Variants in RAB11FIP4 observed in about 807,000 individuals in gnomAD.
RAB11FIP4 encodes rab11 family-interacting protein 4.
Under a neutral mutation model 74.3 loss-of-function variants are expected in RAB11FIP4, and 23 were observed. That is an observed-to-expected ratio of 0.31 (90% confidence interval 0.22 to 0.44). The LOEUF is 0.44. Ranked by LOEUF, RAB11FIP4 falls within the 20% of genes least tolerant of loss-of-function variation. The pLI, the probability that RAB11FIP4 is intolerant of heterozygous loss-of-function variation, is 1.00. For synonymous variants in RAB11FIP4, 360 were observed against 359.9 expected, an observed-to-expected ratio of 1.00 and a Z score of 0.00; for missense variants, 630 against 863.9, an observed-to-expected ratio of 0.73 and a Z score of 3.39.
intron 1 of RAB11FIP4, among the ~76,000 whole-genome samples, chr17:31,428,095 G>A (rs1313956464): frequency 6.6e-6 from 1 of 152,152 alleles, no homozygotes; most frequent in South Asian, 2.1e-4. Flanking sequence ...GGAAAAGCAG[G>A]GTCAGCTGGA....
chr17:31,519,724 A>C (rs926746607), intron 4 of RAB11FIP4, among the ~76,000 whole-genome samples: 3 of 152,126 alleles, frequency 2.0e-5, no homozygotes, highest in African/African-American at 4.8e-5. Flanking sequence ...GGTTCAACCT[A>C]GTATATCTCA....
intron 3 of RAB11FIP4, among the ~76,000 whole-genome samples, chr17:31,435,780 G>T (rs775700085): frequency 6.6e-6 from 1 of 152,196 alleles, no homozygotes; most frequent in Non-Finnish European, 1.5e-5. Flanking sequence ...GTCCATGGTG[G>T]CAGAGACCAA....
At chr17:31,483,019 C>T (rs2071864535) in intron 3 of RAB11FIP4, among the ~76,000 whole-genome samples, 1 of 151,640 alleles carries the variant, frequency 6.6e-6, no homozygotes, top group African/African-American at 2.4e-5. Flanking sequence ...ATGGTGAAAC[C>T]CCGTCTCTAC....
intron 3 of RAB11FIP4, among the ~76,000 whole-genome samples, chr17:31,483,344 G>C (rs2071869859): frequency 6.6e-6 from 1 of 152,138 alleles, no homozygotes; most frequent in Non-Finnish European, 1.5e-5. Context: ...GCACTAGACT[G>C]AGAGTAATGC....
intron 3 of RAB11FIP4, among the ~76,000 whole-genome samples, chr17:31,465,092 G>T (rs1270454749): frequency 1.3e-5 from 2 of 152,094 alleles, no homozygotes; most frequent in Non-Finnish European, 2.9e-5. Flanking sequence ...CGGGCAGTCA[G>T]TGGAGACTAT....
chr17:31,509,771 C>G (rs1468117165), intron 3 of RAB11FIP4, among the ~76,000 whole-genome samples: 1 of 152,150 alleles, frequency 6.6e-6, no homozygotes, highest in Non-Finnish European at 1.5e-5. Flanking sequence ...ACCTGGCGAC[C>G]TGGTGCTCCC....
chr17:31,430,682 G>C (rs2071301152), intron 1 of RAB11FIP4, among the ~76,000 whole-genome samples: 1 of 151,970 alleles, frequency 6.6e-6, no homozygotes, highest in East Asian at 1.9e-4. Flanking sequence ...TTTATCCTAA[G>C]TGTGGTGGAA....
At chr17:31,480,669 T>G (rs2071837897) in intron 3 of RAB11FIP4, among the ~76,000 whole-genome samples, 1 of 151,544 alleles carries the variant, frequency 6.6e-6, no homozygotes, top group African/African-American at 2.4e-5. Flanking sequence ...GTGCCTGTGA[T>G]CCCAGCTACT....
At chr17:31,460,780 G>GA (rs2071626390) in intron 3 of RAB11FIP4, among the ~76,000 whole-genome samples, 3 of 152,020 alleles carry the variant, frequency 2.0e-5, no homozygotes, top group Admixed American at 2.0e-4. Context: ...ACCCAGGCTG[G>GA]AGTGCAGTGG....
At position 31,522,054 on chromosome 17, in the gene RAB11FIP4, G is replaced by A. The variant is rs1455330605; in HGVS notation, c.893+5G>A. The stretch of plus-strand genomic sequence containing the variant: ...GAAAAACCTGAAGGCCAACAGGTGA[G>A]GCCCAGGCCCAGCTGGGGGGTGAGA... On this transcript the variant is annotated splice_donor_5th_base_variant and intron_variant, in intron 6 of 14. Coordinates refer to ENST00000621161, the MANE Select transcript of RAB11FIP4 (RefSeq NM_032932.6). 6.2e-7 allele frequency: 1 copy of A among 1,613,998 alleles called. No homozygotes were observed. The highest frequency in any genetic ancestry group is 2.2e-5 in the East Asian group (1 of 44,880).
chr17:31,476,171 A>ATTTTTTT (rs2071790111), intron 3 of RAB11FIP4, among the ~76,000 whole-genome samples: 1 of 99,922 alleles, frequency 1.0e-5, no homozygotes, highest in African/African-American at 4.2e-5. Flanking sequence ...AATCGACTGA[A>ATTTTTTT]CTTTTTTTTT....
intron 3 of RAB11FIP4, among the ~76,000 whole-genome samples, chr17:31,471,189 T>G (rs1182386748): frequency 6.6e-6 from 1 of 151,668 alleles, no homozygotes; most frequent in East Asian, 1.9e-4. Context: ...CAACCTCCTG[T>G]GTACCTGGGA....
At chr17:31,508,237 G>T (rs1177846611) in intron 3 of RAB11FIP4, among the ~76,000 whole-genome samples, 1 of 152,166 alleles carries the variant, frequency 6.6e-6, no homozygotes, top group Non-Finnish European at 1.5e-5. Context: ...TCAGCTGTTC[G>T]GGATGTTTCC....
rs2072715415 is a variant in RAB11FIP4 at position 31,523,879 on chromosome 17, GC to G, written c.1030-9del. On this transcript the variant is annotated splice_polypyrimidine_tract_variant and intron_variant, in intron 8 of 14. Coordinates refer to ENST00000621161, the MANE Select transcript of RAB11FIP4 (RefSeq NM_032932.6). ...CAGAGGTCTTCTCCACCCCACCCCG[GC>G]CCCCTGCTGCAGGTAAGCTTCCTGG... 1.3e-6 allele frequency: 2 copies of G among 1,570,542 alleles called. No homozygotes were observed. Among genetic ancestry groups the G allele is most frequent in the Non-Finnish European group, 1.7e-6 (2 of 1,145,906 alleles).
chr17:31,430,606 G>T (rs898099656), intron 1 of RAB11FIP4, among the ~76,000 whole-genome samples: 2 of 151,860 alleles, frequency 1.3e-5, no homozygotes, highest in Non-Finnish European at 2.9e-5. Context: ...TGATCTACCC[G>T]CCTCGGCCTC....
chr17:31,394,753 G>A (rs566593746), intron 1 of RAB11FIP4, among the ~76,000 whole-genome samples: 1 of 152,276 alleles, frequency 6.6e-6, no homozygotes, highest in South Asian at 2.1e-4. Flanking sequence ...CCACAAGGCT[G>A]GTTAAACATT....
intron 3 of RAB11FIP4, among the ~76,000 whole-genome samples, chr17:31,451,458 CAAAAAAA>C (rs60812825): frequency 5.8e-5 from 5 of 85,988 alleles, no homozygotes; most frequent in African/African-American, 9.1e-5. Context: ...GACTCCATCT[CAAAAAAA>C]AAAAAAAAAA....
At chr17:31,467,869 G>T (rs1193344094) in intron 3 of RAB11FIP4, among the ~76,000 whole-genome samples, 1 of 152,234 alleles carries the variant, frequency 6.6e-6, no homozygotes, top group Non-Finnish European at 1.5e-5. Context: ...GAATGCCCAG[G>T]CAGCTGAAAC....
At chr17:31,503,344 C>T (rs1297109028) in intron 3 of RAB11FIP4, among the ~76,000 whole-genome samples, 1 of 149,708 alleles carries the variant, frequency 6.7e-6, no homozygotes, top group Non-Finnish European at 1.5e-5. Flanking sequence ...GCCTGAATTA[C>T]CTCTTTAAAG....
Sources: allele counts gnomAD v4.1 joint callset (sites outside exome capture counted in the v4.1 genomes callset), GRCh38; gene constraint gnomAD v4.1.1; transcripts MANE v1.5; gene names NCBI Gene and HGNC (gene_info 2026-07-23, HGNC 2026-07-21).